SGCZ: variants seen among roughly 807,000 people sequenced by gnomAD.
SGCZ encodes sarcoglycan zeta, also known as zeta-sarcoglycan.
Under a neutral mutation model 41.3 loss-of-function variants are expected in SGCZ, and 40 were observed. That is an observed-to-expected ratio of 0.97 (90% CI 0.75 to 1.26). The LOEUF is 1.26. Among genes scored for constraint, SGCZ ranks in the 50% most tolerant of loss-of-function variants. SGCZ has a pLI of 0.00. For synonymous variants in SGCZ, 206 were observed against 137.5 expected (o/e 1.50, Z -3.49); for missense variants, 552 against 369.8 (o/e 1.49, Z -4.04).
At chr8:14,187,646 A>G (rs974698292) in intron 4 of SGCZ, among the ~76,000 whole-genome samples, 6 of 152,154 alleles carry the variant, frequency 3.9e-5, no homozygotes, top group Non-Finnish European at 5.9e-5. Context: ...ATTAAAGATA[A>G]TAGAGATTAT....
At chr8:14,834,730 A>C (rs1585303981) in intron 1 of SGCZ, among the ~76,000 whole-genome samples, 3 of 152,156 alleles carry the variant, frequency 2.0e-5, no homozygotes, top group African/African-American at 7.2e-5. Flanking sequence ...GTCAGAAACA[A>C]ACAGAGGGAA....
At chr8:14,651,025 G>C (rs931532846) in intron 1 of SGCZ, among the ~76,000 whole-genome samples, 1 of 151,956 alleles carries the variant, frequency 6.6e-6, no homozygotes, top group Non-Finnish European at 1.5e-5. Flanking sequence ...GACTTATCTA[G>C]TAGTTGTAAT....
chr8:14,590,929 G>A (rs905673643), intron 1 of SGCZ, among the ~76,000 whole-genome samples: 1 of 149,644 alleles, frequency 6.7e-6, no homozygotes, highest in Non-Finnish European at 1.5e-5. Context: ...TGTCATATAT[G>A]TGCTATATAA....
At chr8:14,550,907 G>A (rs1399859425) in intron 2 of SGCZ, among the ~76,000 whole-genome samples, 9 of 151,956 alleles carry the variant, frequency 5.9e-5, no homozygotes, top group Admixed American at 2.6e-4. Context: ...ATCCAAAAAC[G>A]ACAATGATAC....
chr8:14,355,962 T>G (rs1803280682), intron 2 of SGCZ, among the ~76,000 whole-genome samples: 1 of 152,190 alleles, frequency 6.6e-6, no homozygotes, highest in Admixed American at 6.5e-5. Context: ...GGTGTGAAAG[T>G]AATACACATT....
chr8:14,636,667 A>T (rs185773157), intron 1 of SGCZ, among the ~76,000 whole-genome samples: 59 of 151,966 alleles, frequency 3.9e-4, no homozygotes, highest in African/African-American at 1.3e-3. Context: ...TGATGCAAGT[A>T]TCAGAAGCTC....
chr8:15,162,100 C>G (rs1265653489), intron 1 of SGCZ, among the ~76,000 whole-genome samples: 2 of 152,174 alleles, frequency 1.3e-5, no homozygotes, highest in African/African-American at 4.8e-5. Flanking sequence ...TTTAATCTTA[C>G]ACTTGAACAA....
At chr8:14,295,319 G>A (rs1466353113) in intron 3 of SGCZ, among the ~76,000 whole-genome samples, 2 of 152,142 alleles carry the variant, frequency 1.3e-5, no homozygotes, top group Non-Finnish European at 1.5e-5. Flanking sequence ...TGTAGTAGCT[G>A]AATGTAGCCA....
At chr8:14,152,684 C>T (rs754167766) in intron 5 of SGCZ, among the ~76,000 whole-genome samples, 2 of 152,128 alleles carry the variant, frequency 1.3e-5, no homozygotes, top group East Asian at 3.8e-4. Flanking sequence ...AGATATTTAT[C>T]TCAGATAAAG....
intron 1 of SGCZ, among the ~76,000 whole-genome samples, chr8:15,181,922 C>T (rs1196256848): frequency 6.6e-6 from 1 of 152,066 alleles, no homozygotes; most frequent in East Asian, 1.9e-4. Context: ...TTTTAATTTT[C>T]AACTTTCAAT....
At position 14,282,215 on chromosome 8, in the gene SGCZ, A is replaced by T. The variant is rs534962272; in HGVS notation, c.336+41888T>A. On this transcript the variant is annotated intron_variant, in intron 3 of 7. Transcript: ENST00000382080. ...TCTTTGCCTTAATAGACTAACCCTTAAGAATACTGATCCGCCTGTATCCCT... is the reference window on the plus strand; with the variant it reads ...TCTTTGCCTTAATAGACTAACCCTTTAGAATACTGATCCGCCTGTATCCCT... Among the ~76,000 whole-genome samples the T allele has an allele frequency of 7.2e-5, 11 of 152,264 alleles. No homozygotes were observed. In the South Asian group the frequency reaches 2.3e-3, roughly 32 times the overall value.
At chr8:15,173,685 G>C (rs909660301) in intron 1 of SGCZ, among the ~76,000 whole-genome samples, 17 of 152,120 alleles carry the variant, frequency 1.1e-4, no homozygotes, top group African/African-American at 3.9e-4. Context: ...TCTATGTCTT[G>C]TAAAGTTGGA....
At chr8:14,127,323 C>G (rs1161624683) in intron 5 of SGCZ, among the ~76,000 whole-genome samples, 1 of 151,976 alleles carries the variant, frequency 6.6e-6, no homozygotes, top group Non-Finnish European at 1.5e-5. Flanking sequence ...ATACACATCC[C>G]CTAAATACTG....
chr8:15,092,469 T>C lies in SGCZ; in HGVS notation c.39+145116A>G, dbSNP rs971619882. ...AAGTGGGAAAAATTTTAACAACAGC[T>C]AGCTAGCCTGAGTATTAAATCATAA... On this transcript the variant is annotated intron_variant, in intron 1 of 7. Coordinates refer to ENST00000382080, the MANE Select transcript of SGCZ (RefSeq NM_139167.4). Among the ~76,000 whole-genome samples, 7 of 152,330 alleles carry C rather than the reference T, an allele frequency of 4.6e-5. 1 individual carries two copies. Among genetic ancestry groups the C allele is most frequent in the Admixed American group, 1.3e-4 (2 of 15,300 alleles).
At chr8:14,866,287 A>G (rs1049048652) in intron 1 of SGCZ, among the ~76,000 whole-genome samples, 3 of 151,982 alleles carry the variant, frequency 2.0e-5, no homozygotes, top group Non-Finnish European at 4.4e-5. Context: ...TGTATTTAAA[A>G]TAAACCTTCT....
intron 2 of SGCZ, among the ~76,000 whole-genome samples, chr8:14,426,657 A>G (rs555000301): frequency 1.3e-5 from 2 of 152,170 alleles, no homozygotes; most frequent in Non-Finnish European, 2.9e-5. Context: ...GAGCCAGAAA[A>G]TGAATAATTA....
rs148049037 is a variant in SGCZ at position 14,814,758 on chromosome 8, C to G, written c.40-259832G>C. On this transcript the variant is annotated intron_variant, in intron 1 of 7. Transcript: ENST00000382080. ...AATCTCATCATTTCCTTGCAGAAAT[C>G]GGTTAAGACTATTTCTTTTTTCTTG... 3.2e-3 allele frequency among the ~76,000 whole-genome samples: 488 copies of G among 152,164 alleles called. 4 individuals carry two copies. The highest frequency in any genetic ancestry group is 0.011 in the African/African-American group (470 of 41,506).
At chr8:15,045,708 A>T (rs893991162) in intron 1 of SGCZ, among the ~76,000 whole-genome samples, 1 of 152,126 alleles carries the variant, frequency 6.6e-6, no homozygotes, top group Admixed American at 6.6e-5. Context: ...CTGACAAAAC[A>T]GATTCTCTCA....
chr8:14,239,152 T>C (rs975110892), intron 3 of SGCZ, among the ~76,000 whole-genome samples: 3 of 152,048 alleles, frequency 2.0e-5, no homozygotes, highest in Middle Eastern at 3.4e-3. Context: ...TAAAGTATAG[T>C]TCATGGACTA....
Sources: gnomAD v4.1 joint callset for allele counts (sites outside exome capture counted in the v4.1 genomes callset) on GRCh38, gnomAD v4.1.1 for gene constraint, MANE v1.5 for transcripts, NCBI Gene and HGNC (gene_info 2026-07-23, HGNC 2026-07-21) for gene names.